PES1: variants seen among roughly 807,000 people sequenced by gnomAD.
PES1 encodes the protein pescadillo homolog.
A neutral mutation model predicts 77.1 loss-of-function variants in PES1; 31 were observed. The observed-to-expected ratio is 0.40, with a 90% CI of 0.30 to 0.54. The LOEUF (loss-of-function observed/expected upper bound fraction) is 0.54, where lower values mean the gene tolerates loss of function less well. Ranked by LOEUF, PES1 falls within the 20% of genes least tolerant of loss-of-function variation. PES1 has a pLI of 0.45. For synonymous variants in PES1, 282 were observed against 303.0 expected (o/e 0.93, Z 0.72); for missense variants, 658 against 771.7 (o/e 0.85, Z 1.75).
chr22:30,606,995 C>T (rs973124987), exon 1 of PES1: 8 of 653,102 alleles, frequency 1.2e-5, no homozygotes, highest in East Asian at 5.5e-5. Context: ...AGGCCCTCTG[C>T]GCTGGTCCCG....
chr22:30,580,388 G>A (rs1012974473), intron 10 of PES1, among the ~76,000 whole-genome samples, 183 bp downstream of exon 10: 42 of 152,298 alleles, frequency 2.8e-4, no homozygotes, highest in Non-Finnish European at 5.1e-4. Context: ...ATAAAATGAC[G>A]GCAGTTCCGC....
chr22:30,595,704 T>C (rs1003953213), upstream of PES1, among the ~76,000 whole-genome samples: 2 of 152,124 alleles, frequency 1.3e-5, no homozygotes, highest in Non-Finnish European at 2.9e-5. Flanking sequence ...ATCCAGACCC[T>C]GCAAGGAATG....
chr22:30,591,715 T>A, intron 1 of PES1, 95 bp downstream of exon 1: 2 of 1,390,258 alleles, frequency 1.4e-6, no homozygotes, highest in Non-Finnish European at 2.0e-6. Flanking sequence ...GTCTTTCCAG[T>A]CTCCACGAGA....
At chr22:30,596,661 C>A (rs2087256272), upstream of PES1, among the ~76,000 whole-genome samples, 1 of 152,222 alleles carries the variant, frequency 6.6e-6, no homozygotes, top group Admixed American at 6.5e-5. Context: ...CTTTTATAAA[C>A]CGATGACTCT....
chr22:30,602,254 G>A lies in PES1; in HGVS notation c.-661+3207C>T, dbSNP rs537290989. On this transcript the variant is annotated intron_variant, in intron 2 of 16. Transcript: ENST00000402281. ...GTTCTCACAAGAGCTATGGTTTTAA[G>A]TGTGGCACTTTCTCAATCTCTCTAC... Among the ~76,000 whole-genome samples, 54 of 152,212 alleles carry A rather than the reference G, an allele frequency of 3.5e-4. No homozygotes were observed. In the South Asian group the frequency reaches 0.011, roughly 30 times the overall value.
upstream of PES1, chr22:30,592,000 T>C (rs1049383440): frequency 7.3e-6 from 10 of 1,379,138 alleles, no homozygotes; most frequent in Non-Finnish European, 8.4e-6. Flanking sequence ...GGGGATTTCC[T>C]CCTCAAGATT....
chr22:30,592,836 A>G (rs1006736934), upstream of PES1, among the ~76,000 whole-genome samples: 1 of 151,912 alleles, frequency 6.6e-6, no homozygotes, highest in African/African-American at 2.4e-5. Context: ...TACATTCAAC[A>G]TATTCGAGCT....
In PES1 at chr22:30,587,399, G is replaced by A. The variant is rs749942717; in HGVS notation, c.259-4C>T. The stretch of plus-strand genomic sequence containing the variant: ...TCCGGAGCTTCCGGACGAACACCTG[G>A]AAGAAAGAAAGAAAACACCTCAATG... On this transcript the variant is annotated splice_region_variant and splice_polypyrimidine_tract_variant and intron_variant, in intron 3 of 14. Coordinates refer to ENST00000354694, the MANE Select transcript of PES1 (RefSeq NM_014303.4). The A allele has an allele frequency of 1.1e-4, 175 of 1,609,478 alleles. No homozygotes were observed. The highest frequency in any genetic ancestry group is 1.4e-4 in the Non-Finnish European group (167 of 1,176,164).
intron 6 of PES1, among the ~76,000 whole-genome samples, chr22:30,582,600 G>A (rs1275805553): frequency 6.6e-6 from 1 of 152,284 alleles, no homozygotes; most frequent in Non-Finnish European, 1.5e-5. Flanking sequence ...CCCCCAGGAC[G>A]CGGCAGGATG....
At chr22:30,588,249 A>T (rs1569026611) in intron 2 of PES1, 75 bp from the exon 3 acceptor site, 50 of 1,571,164 alleles carry the variant, frequency 3.2e-5, no homozygotes, top group Admixed American at 6.8e-5. Context: ...CTGGGCCTGG[A>T]AAACAACAGT....
chr22:30,579,194 T>G lies in PES1; in HGVS notation c.1464A>C (p.Ser488=). ...CCAGCCGGGCCTCTTCCTCCTTTTC[T>G]GAACCAGCCTCTGCATCTTCCTCCT... ...EEEEEDAEAG[S]EKEEEARLAA... Residue 488 remains serine, a synonymous_variant, in exon 13 of 15, where the codon TCA becomes TCC. Coordinates refer to ENST00000354694, the MANE Select transcript of PES1 (RefSeq NM_014303.4). The G allele has an allele frequency of 6.2e-7, 1 of 1,607,796 alleles. No individual in the cohort carries two copies. The highest frequency in any genetic ancestry group is 8.5e-7 in the Non-Finnish European group (1 of 1,179,270).
intron 2 of PES1, among the ~76,000 whole-genome samples, chr22:30,602,518 G>A (rs1233739699): frequency 1.3e-5 from 2 of 148,424 alleles, no homozygotes; most frequent in African/African-American, 2.5e-5. Flanking sequence ...CACCATGTCC[G>A]GCCTCTTTTT....
chr22:30,587,261 G>A, intron 4 of PES1, 25 bp downstream of exon 4: 1 of 1,461,058 alleles, frequency 6.8e-7, no homozygotes, highest in Non-Finnish European at 9.6e-7. Flanking sequence ...AGAAACAGCA[G>A]TGTCCTGAGG....
chr22:30,589,184 T>G lies in PES1; in HGVS notation c.104+7A>C. On this transcript the variant is annotated splice_region_variant and intron_variant, in intron 2 of 14. Transcript: ENST00000354694. ...GCCCGGGCTTCCCACGGTCCCTCTA[T>G]ATTCACCTAAAGTCAGCCAAGCTCA... 1.2e-6 allele frequency: 2 copies of G among 1,611,930 alleles called. No homozygotes were observed. The highest frequency in any genetic ancestry group is 1.7e-6 in the Non-Finnish European group (2 of 1,178,310).
At chr22:30,605,535 A>G in intron 1 of PES1, 4 of 969,904 alleles carry the variant, frequency 4.1e-6, no homozygotes, top group Non-Finnish European at 4.9e-6. Context: ...TAGGAATCAT[A>G]ATAGTTGTTA....
intron 9 of PES1, 124 bp downstream of exon 9, chr22:30,580,888 T>C: frequency 8.5e-7 from 1 of 1,173,616 alleles, no homozygotes; most frequent in Non-Finnish European, 1.2e-6. Flanking sequence ...TTCAGCCCAT[T>C]CTTCTGCTCA....
chr22:30,605,240 ATCC>A (rs1159773610), intron 2 of PES1, among the ~76,000 whole-genome samples: 3 of 152,166 alleles, frequency 2.0e-5, no homozygotes, highest in Non-Finnish European at 2.9e-5. Flanking sequence ...GGCTCAAGCA[ATCC>A]TCCTGCCTTG....
chr22:30,600,993 G>GT (rs2087346548), intron 2 of PES1, among the ~76,000 whole-genome samples: 2 of 152,254 alleles, frequency 1.3e-5, no homozygotes, highest in African/African-American at 4.8e-5. Flanking sequence ...TTGTGGATCA[G>GT]TTTGTAGCTG....
At chr22:30,590,318 G>A (rs1172367328) in intron 1 of PES1, among the ~76,000 whole-genome samples, 2 of 152,168 alleles carry the variant, frequency 1.3e-5, no homozygotes, top group Non-Finnish European at 2.9e-5. Context: ...CAAGCATGTC[G>A]TTTCCAAACA....
Sources: allele counts gnomAD v4.1 joint callset (sites outside exome capture counted in the v4.1 genomes callset), GRCh38; gene constraint gnomAD v4.1.1; transcripts MANE v1.5; gene names NCBI Gene and HGNC (gene_info 2026-07-23, HGNC 2026-07-21).